Variants in NTRK2 observed in about 807,000 individuals in gnomAD.
The protein encoded by NTRK2 is neurotrophic receptor tyrosine kinase 2, also known as BDNF/NT-3 growth factors receptor.
NTRK2 carries 13 observed loss-of-function variants against 94.5 expected under a neutral mutation model. The ratio of observed to expected loss-of-function variants is 0.14; its 90% CI spans 0.09 to 0.22. The LOEUF (loss-of-function observed/expected upper bound fraction) is 0.22. NTRK2 is among the 10% of genes least tolerant of loss of function. The pLI, the probability that NTRK2 is intolerant of heterozygous loss-of-function variation, is 1.00. For missense variants in NTRK2, 639 were observed against 1,071.2 expected (o/e 0.60, Z 5.63); for synonymous variants, 372 against 407.4 (o/e 0.91, Z 1.05).
chr9:85,001,626 T>C (rs989905460), intron 17 of NTRK2, among the ~76,000 whole-genome samples: 3 of 152,242 alleles, frequency 2.0e-5, no homozygotes, highest in African/African-American at 7.2e-5. Context: ...GAGAGTTAAT[T>C]ACCTGTCTTC....
In NTRK2 at chr9:84,835,226, CA is replaced by C. The variant is rs80319462; in HGVS notation, c.1397-25812del. ...GCATTTAGTAGGTGTCGCCATTCAT[CA>C]ATCAGCAATTATTGAGTATCTGGCC... On this transcript the variant is annotated intron_variant, in intron 12 of 18. Transcript: ENST00000277120. Among the ~76,000 whole-genome samples, 35 of 152,276 alleles carry C rather than the reference CA, an allele frequency of 2.3e-4. No individual in the cohort carries two copies. In the East Asian group the frequency reaches 5.4e-3, roughly 23 times the overall value.
At chr9:84,991,658 G>A (rs1400633507) in intron 17 of NTRK2, among the ~76,000 whole-genome samples, 2 of 152,184 alleles carry the variant, frequency 1.3e-5, no homozygotes, top group Non-Finnish European at 2.9e-5. Flanking sequence ...TGCCATGGTA[G>A]CGAGCCTCCT....
At chr9:84,872,514 C>A in intron 14 of NTRK2, 2 of 1,066,978 alleles carry the variant, frequency 1.9e-6, no homozygotes, top group Non-Finnish European at 2.3e-6. Flanking sequence ...TAAATATGTA[C>A]CTGGATGTGT....
chr9:84,978,103 C>A (rs112207479), intron 17 of NTRK2, among the ~76,000 whole-genome samples: 19 of 152,246 alleles, frequency 1.2e-4, no homozygotes, highest in African/African-American at 2.6e-4. Context: ...CAATTAATAA[C>A]CCTACACAAA....
chr9:84,964,978 T>C (rs996786409), intron 17 of NTRK2, among the ~76,000 whole-genome samples: 3 of 152,238 alleles, frequency 2.0e-5, no homozygotes, highest in Non-Finnish European at 4.4e-5. Context: ...TTAAATAACT[T>C]ACATTTACAT....
chr9:84,922,227 C>T (rs143827404), intron 14 of NTRK2, among the ~76,000 whole-genome samples: 3 of 152,268 alleles, frequency 2.0e-5, no homozygotes, highest in Non-Finnish European at 2.9e-5. Flanking sequence ...ATGACTGGGT[C>T]GGTGGCATCC....
intron 17 of NTRK2, among the ~76,000 whole-genome samples, chr9:84,957,125 A>G (rs1005575124): frequency 2.1e-4 from 32 of 152,204 alleles, no homozygotes; most frequent in African/African-American, 7.5e-4. Flanking sequence ...GCAGGGAAAC[A>G]CATGGATGAT....
chr9:84,861,912 C>T (rs1197621194), intron 13 of NTRK2, among the ~76,000 whole-genome samples: 1 of 152,124 alleles, frequency 6.6e-6, no homozygotes, highest in Admixed American at 6.5e-5. Context: ...GGAGGCTGCT[C>T]AATTCCAAAC....
rs78629699 is a variant in NTRK2 at position 84,745,009 on chromosome 9, C to G, written c.1232C>G (p.Thr411Arg). 8.1e-6 allele frequency: 13 copies of G among 1,613,782 alleles called. No individual in the cohort carries two copies. The South Asian group carries it at 1.4e-4, about 18-fold the overall frequency. Residue 411 changes from threonine to arginine, a missense_variant, in exon 11 of 19, where the codon ACG becomes AGG. By Grantham distance (71) the Thr-to-Arg change is moderately conservative (BLOSUM62 -1). Around this residue, in one of 5 missense-constraint regions of NTRK2, gnomAD observed 343 missense variants for 571.5 expected, o/e 0.60. Coordinates refer to ENST00000277120, the MANE Select transcript of NTRK2 (RefSeq NM_006180.6). ...GTAANDIGDT[T>R]NRSNEIPSTD... ...GCAGCGAATGACATCGGGGACACCA[C>G]GAACAGAAGTAATGAAATCCCTTCC...
chr9:85,004,916 C>A (rs757274134), intron 17 of NTRK2, among the ~76,000 whole-genome samples: 3 of 152,126 alleles, frequency 2.0e-5, no homozygotes, highest in Non-Finnish European at 4.4e-5. Context: ...ATGCAGAGAC[C>A]ATTTGCATAA....
At chr9:84,890,394 T>C (rs1466213236) in intron 14 of NTRK2, among the ~76,000 whole-genome samples, 1 of 152,174 alleles carries the variant, frequency 6.6e-6, no homozygotes, top group Admixed American at 6.5e-5. Context: ...ATTTAACCTG[T>C]AGGGGGTACT....
chr9:84,903,802 T>C (rs1356495361), intron 14 of NTRK2, among the ~76,000 whole-genome samples: 1 of 152,038 alleles, frequency 6.6e-6, no homozygotes, highest in African/African-American at 2.4e-5. Context: ...GAAACTCTTT[T>C]ACTGTAATAG....
chr9:84,814,944 T>A (rs2072229085), intron 12 of NTRK2: 1 of 1,059,472 alleles, frequency 9.4e-7, no homozygotes, highest in Non-Finnish European at 1.1e-6. Context: ...CTGTAGTACC[T>A]GCAAACCATG....
At chr9:84,860,246 G>A (rs1020343094) in intron 12 of NTRK2, among the ~76,000 whole-genome samples, 5 of 152,162 alleles carry the variant, frequency 3.3e-5, no homozygotes, top group African/African-American at 1.2e-4. Flanking sequence ...TTTGAATCCA[G>A]CGGAAATTAC....
chr9:84,878,324 C>T (rs1266961155), intron 14 of NTRK2, among the ~76,000 whole-genome samples: 1 of 152,032 alleles, frequency 6.6e-6, no homozygotes, highest in Non-Finnish European at 1.5e-5. Context: ...AGGGTCAGAT[C>T]CTGTCTTTCC....
chr9:84,742,536 C>T (rs17326762), intron 10 of NTRK2, among the ~76,000 whole-genome samples: 3,870 of 152,248 alleles, frequency 0.025, 74 homozygotes, highest in Admixed American at 0.046. Flanking sequence ...CTCCTGAAGG[C>T]GTCCTCAAGG....
chr9:84,689,644 C>A (rs934979264), intron 2 of NTRK2, among the ~76,000 whole-genome samples: 1 of 152,028 alleles, frequency 6.6e-6, no homozygotes, highest in Non-Finnish European at 1.5e-5. Flanking sequence ...ATAAAGTTTG[C>A]CATTTTAACC....
chr9:84,678,226 T>C (rs1226678895), intron 2 of NTRK2, among the ~76,000 whole-genome samples: 3 of 152,252 alleles, frequency 2.0e-5, no homozygotes, highest in Non-Finnish European at 4.4e-5. Context: ...TTTATCATTC[T>C]GGATGTCCCT....
chr9:84,791,180 C>A (rs1173170640), intron 12 of NTRK2, among the ~76,000 whole-genome samples: 4 of 152,096 alleles, frequency 2.6e-5, no homozygotes, highest in African/African-American at 7.2e-5. Context: ...AAAATGGCAA[C>A]CAAGACATGA....
Sources: allele counts gnomAD v4.1 joint callset (sites outside exome capture counted in the v4.1 genomes callset), GRCh38; gene constraint gnomAD v4.1.1; regional missense constraint gnomAD v4.1.1; transcripts MANE v1.5; gene names NCBI Gene and HGNC (gene_info 2026-07-23, HGNC 2026-07-21).